The following IMMP2L variants were observed in gnomAD, a reference collection of about 807,000 sequenced individuals.
IMMP2L encodes the protein inner mitochondrial membrane peptidase subunit 2.
Under a neutral mutation model 19.3 loss-of-function variants are expected in IMMP2L, and 18 were observed. That is an observed-to-expected ratio of 0.93 (90% CI 0.64 to 1.38). The LOEUF is 1.38. Among genes scored for constraint, IMMP2L ranks in the 40% most tolerant of loss-of-function variants. The pLI, the probability that IMMP2L is intolerant of heterozygous loss-of-function variation, is 0.00. For missense variants in IMMP2L, 233 were observed against 218.2 expected, an observed-to-expected ratio of 1.07 and a Z score of -0.43; for synonymous variants, 76 against 73.0, an observed-to-expected ratio of 1.04 and a Z score of -0.21.
intron 3 of IMMP2L, among the ~76,000 whole-genome samples, chr7:111,153,252 A>G (rs2129603619): frequency 6.6e-6 from 1 of 152,200 alleles, no homozygotes; most frequent in African/African-American, 2.4e-5. Flanking sequence ...AGGTATTCAA[A>G]CTTCACTGTC....
intron 1 of IMMP2L, among the ~76,000 whole-genome samples, chr7:111,526,419 C>T (rs1846865271): frequency 1.3e-5 from 2 of 152,142 alleles, no homozygotes; most frequent in African/African-American, 4.8e-5. Context: ...GTGGTTAATT[C>T]TATATGCTAG....
intron 3 of IMMP2L, among the ~76,000 whole-genome samples, chr7:111,017,529 A>T (rs1825836147): frequency 6.6e-6 from 1 of 152,140 alleles, no homozygotes; most frequent in African/African-American, 2.4e-5. Flanking sequence ...ACTGAAAAAC[A>T]GGAGGCTTAG....
At chr7:111,282,766 T>C (rs1820039484) in intron 3 of IMMP2L, among the ~76,000 whole-genome samples, 1 of 152,072 alleles carries the variant, frequency 6.6e-6, no homozygotes, top group South Asian at 2.1e-4. Context: ...GTGTGTTTTA[T>C]AGAGACTGGG....
At chr7:110,979,869 T>C (rs1057035927) in intron 3 of IMMP2L, among the ~76,000 whole-genome samples, 3 of 152,166 alleles carry the variant, frequency 2.0e-5, no homozygotes, top group Non-Finnish European at 4.4e-5. Context: ...CACACAGCTT[T>C]ATAAATATAC....
chr7:111,193,100 C>G (rs1315589961), intron 3 of IMMP2L, among the ~76,000 whole-genome samples: 2 of 152,038 alleles, frequency 1.3e-5, no homozygotes, highest in Non-Finnish European at 2.9e-5. Flanking sequence ...CATGGGAGAA[C>G]AGAGAGAAAG....
chr7:111,530,239 T>C (rs1005606567), intron 1 of IMMP2L, among the ~76,000 whole-genome samples: 9 of 152,198 alleles, frequency 5.9e-5, no homozygotes, highest in Admixed American at 6.5e-5. Flanking sequence ...TTTGTTTACA[T>C]AAGCATTTGT....
chr7:111,086,960 G>A (rs1374466730), intron 3 of IMMP2L, among the ~76,000 whole-genome samples: 2 of 152,106 alleles, frequency 1.3e-5, no homozygotes, highest in African/African-American at 2.4e-5. Context: ...TGCATTGGTT[G>A]GCTCAGCCAT....
chr7:111,446,294 C>G (rs975144804), intron 3 of IMMP2L, among the ~76,000 whole-genome samples: 1 of 149,392 alleles, frequency 6.7e-6, no homozygotes, highest in African/African-American at 2.5e-5. Context: ...CCTCTGCAGA[C>G]TTAAATGTCC....
intron 5 of IMMP2L, among the ~76,000 whole-genome samples, chr7:110,775,714 T>C (rs1303197090): frequency 6.6e-6 from 1 of 152,050 alleles, no homozygotes; most frequent in African/African-American, 2.4e-5. Context: ...CATCTAATGT[T>C]ACTCTTCTTT....
intron 2 of IMMP2L, among the ~76,000 whole-genome samples, chr7:111,499,107 A>G (rs953459939): frequency 5.9e-5 from 9 of 152,174 alleles, no homozygotes; most frequent in African/African-American, 2.2e-4. Context: ...GGCTGTGATC[A>G]CTCAGGCAGC....
intron 3 of IMMP2L, among the ~76,000 whole-genome samples, chr7:111,099,262 T>C (rs1463984301): frequency 6.6e-6 from 1 of 151,726 alleles, no homozygotes; most frequent in Non-Finnish European, 1.5e-5. Flanking sequence ...TTGTATCTAG[T>C]TCCAAATTTT....
rs201269472 is a variant in IMMP2L, at chr7:111,046,967, AGCTAAAGCTAAAGCAGATCTT to A, written c.240-83423_240-83403del. Among the ~76,000 whole-genome samples the A allele has an allele frequency of 3.3e-5, 5 of 152,142 alleles. No homozygotes were observed. The East Asian group carries it at 7.7e-4, about 23-fold the overall frequency. ...AAAAATAAAAACCAGGGCCCATGGA[AGCTAAAGCTAAAGCAGATCTT>A]GCTAAAGCAAGATCATATATCTCCT... On this transcript the variant is annotated intron_variant, in intron 3 of 5. Transcript: ENST00000405709.
At chr7:110,814,163 G>A (rs1472500860) in intron 5 of IMMP2L, among the ~76,000 whole-genome samples, 2 of 151,896 alleles carry the variant, frequency 1.3e-5, no homozygotes, top group Admixed American at 6.6e-5. Flanking sequence ...AGTTCTAAAC[G>A]CATAGTCAAG....
intron 3 of IMMP2L, among the ~76,000 whole-genome samples, chr7:111,339,190 T>C (rs1247536696): frequency 6.6e-6 from 1 of 152,046 alleles, no homozygotes. Flanking sequence ...ATGTATCATT[T>C]TGCAGAAGCC....
intron 4 of IMMP2L, among the ~76,000 whole-genome samples, chr7:110,958,618 A>C (rs2129555023): frequency 6.7e-6 from 1 of 148,900 alleles, no homozygotes; most frequent in South Asian, 2.1e-4. Flanking sequence ...CCTTACCAAC[A>C]GGTTCCTTAT....
At chr7:110,866,207 A>G (rs1807962760) in intron 5 of IMMP2L, among the ~76,000 whole-genome samples, 1 of 151,894 alleles carries the variant, frequency 6.6e-6, no homozygotes, top group Admixed American at 6.6e-5. Context: ...GAAATTTCTA[A>G]TTGGGGTGAA....
At chr7:111,372,790 A>T (rs1020703551) in intron 3 of IMMP2L, among the ~76,000 whole-genome samples, 1 of 152,104 alleles carries the variant, frequency 6.6e-6, no homozygotes, top group Non-Finnish European at 1.5e-5. Flanking sequence ...CTAGTTTTGC[A>T]CTAGCAAAAC....
rs117955357 is a variant in IMMP2L, at chr7:110,842,550, G to A, written c.408+44043C>T. Among the ~76,000 whole-genome samples the A allele has an allele frequency of 1.9e-4, 29 of 152,322 alleles. No homozygotes were observed. In the East Asian group the frequency reaches 4.4e-3, roughly 23 times the overall value. ...CAAGCCTCAGGCTCTATTGTTGTACGTGGCAGCTTATTGTGTTTTTAACCT... is the reference window on the plus strand; with the variant it reads ...CAAGCCTCAGGCTCTATTGTTGTACATGGCAGCTTATTGTGTTTTTAACCT... On this transcript the variant is annotated intron_variant, in intron 5 of 5. Transcript: ENST00000405709.
At chr7:111,445,246 C>G (rs1353013552) in intron 3 of IMMP2L, among the ~76,000 whole-genome samples, 1 of 151,930 alleles carries the variant, frequency 6.6e-6, no homozygotes, top group Non-Finnish European at 1.5e-5. Context: ...GGCAGACAAA[C>G]TGTGGGGAGC....
Sources: gnomAD v4.1 joint callset for allele counts (sites outside exome capture counted in the v4.1 genomes callset) on GRCh38, gnomAD v4.1.1 for gene constraint, MANE v1.5 for transcripts, NCBI Gene and HGNC (gene_info 2026-07-23, HGNC 2026-07-21) for gene names.